PCNX2: variants seen among roughly 807,000 people sequenced by gnomAD.
The protein encoded by PCNX2 is pecanex 2.
PCNX2 carries 168 observed loss-of-function variants against 223.8 expected under a neutral mutation model. The ratio of observed to expected loss-of-function variants is 0.75; its 90% CI spans 0.66 to 0.85. The LOEUF (loss-of-function observed/expected upper bound fraction) is 0.85, where lower values mean the gene tolerates loss of function less well. PCNX2 is among the 40% of genes least tolerant of loss of function. The pLI is 0.00. For synonymous variants in PCNX2, 1,006 were observed against 1,052.6 expected, an observed-to-expected ratio of 0.96 and a Z score of 0.86; for missense variants, 2,507 against 2,675.5, an observed-to-expected ratio of 0.94 and a Z score of 1.39.
intron 26 of PCNX2, among the ~76,000 whole-genome samples, chr1:233,021,244 G>A (rs1378687989): frequency 1.3e-5 from 2 of 152,102 alleles, no homozygotes; most frequent in African/African-American, 4.8e-5. Flanking sequence ...TAAACACGGG[G>A]GCACCGTGTT....
chr1:233,204,031 G>A (rs1681300224), intron 13 of PCNX2, among the ~76,000 whole-genome samples: 1 of 152,144 alleles, frequency 6.6e-6, no homozygotes, highest in African/African-American at 2.4e-5. Context: ...GTTGAATTAT[G>A]TTCCCACAAA....
intron 17 of PCNX2, among the ~76,000 whole-genome samples, chr1:233,175,369 C>T (rs926513579): frequency 6.6e-6 from 1 of 152,196 alleles, no homozygotes; most frequent in Non-Finnish European, 1.5e-5. Context: ...GGAGGCAACA[C>T]CTAGCCCATC....
At chr1:233,194,593 C>A (rs1363904381) in intron 15 of PCNX2, among the ~76,000 whole-genome samples, 1 of 152,004 alleles carries the variant, frequency 6.6e-6, no homozygotes, top group African/African-American at 2.4e-5. Context: ...CCAAATATTA[C>A]TATATAAAAA....
intron 19 of PCNX2, among the ~76,000 whole-genome samples, chr1:233,148,426 T>A (rs1055626284): frequency 2.1e-4 from 30 of 145,854 alleles, no homozygotes. Flanking sequence ...ACTTTTTTTC[T>A]TTTCTTTTTT....
intron 17 of PCNX2, among the ~76,000 whole-genome samples, chr1:233,166,336 G>C (rs1156374777): frequency 6.6e-6 from 1 of 151,992 alleles, no homozygotes; most frequent in African/African-American, 2.4e-5. Flanking sequence ...TCCTGGATTT[G>C]GCAAAGATTT....
chr1:233,211,554 C>G (rs1187775387), intron 12 of PCNX2, among the ~76,000 whole-genome samples: 1 of 152,122 alleles, frequency 6.6e-6, no homozygotes, highest in African/African-American at 2.4e-5. Context: ...AGCGAACCCT[C>G]AGAATACCCT....
At chr1:233,065,960 G>A (rs981171370) in intron 23 of PCNX2, among the ~76,000 whole-genome samples, 4 of 152,180 alleles carry the variant, frequency 2.6e-5, no homozygotes, top group South Asian at 4.1e-4. Context: ...CCCAACTGCA[G>A]TGAGAACTTC....
At chr1:233,273,100 T>G (rs1282745420) in intron 1 of PCNX2, among the ~76,000 whole-genome samples, 3 of 150,732 alleles carry the variant, frequency 2.0e-5, no homozygotes, top group Admixed American at 2.0e-4. Flanking sequence ...ACTAAAGAAC[T>G]TACTTATGTA....
intron 19 of PCNX2, among the ~76,000 whole-genome samples, chr1:233,158,025 C>T (rs1422367246): frequency 2.6e-5 from 4 of 152,002 alleles, no homozygotes; most frequent in South Asian, 2.1e-4. Context: ...ACTCATCCTC[C>T]GAGAGGGGAA....
At chr1:233,046,618 C>G (rs1671830334) in intron 25 of PCNX2, among the ~76,000 whole-genome samples, 1 of 152,034 alleles carries the variant, frequency 6.6e-6, no homozygotes, top group Non-Finnish European at 1.5e-5. Context: ...CCAAAGTGAC[C>G]CTTATAGCCA....
At chr1:233,208,358 C>G (rs1465302744) in intron 13 of PCNX2, among the ~76,000 whole-genome samples, 160 bp downstream of exon 13, 3 of 152,174 alleles carry the variant, frequency 2.0e-5, no homozygotes, top group African/African-American at 7.2e-5. Context: ...TGCTTTGAGG[C>G]TTGGGCTCCC....
intron 25 of PCNX2, among the ~76,000 whole-genome samples, chr1:233,031,624 T>A (rs1488121835): frequency 2.0e-5 from 3 of 152,108 alleles, no homozygotes; most frequent in African/African-American, 7.2e-5. Flanking sequence ...TCAGAGCTAT[T>A]AGGATAACAG....
intron 8 of PCNX2, among the ~76,000 whole-genome samples, chr1:233,240,802 C>T (rs1399181650): frequency 1.3e-5 from 2 of 152,154 alleles, no homozygotes; most frequent in African/African-American, 2.4e-5. Flanking sequence ...TTGACCATGA[C>T]GATATTCCAC....
chr1:232,986,504 T>C lies in PCNX2; in HGVS notation c.5828A>G (p.His1943Arg). The stretch of plus-strand genomic sequence containing the variant: ...GGGCGGCCTTTGGCTTAGCGCTGAG[T>C]GTGCCTGCACGGACTGGCTCCTGCC... ...RKGRSQSVQAHSALSQRPPML... is the reference protein window; with the variant it reads ...RKGRSQSVQARSALSQRPPML... Residue 1943 changes from histidine to arginine, a missense_variant, in exon 33 of 34, where the codon CAC becomes CGC. By Grantham distance (29) the His-to-Arg change is conservative (BLOSUM62 0). Coordinates refer to ENST00000258229, the MANE Select transcript of PCNX2 (RefSeq NM_014801.4). The C allele has an allele frequency of 6.3e-7, 1 of 1,574,964 alleles. No homozygotes were observed. The highest frequency in any genetic ancestry group is 8.6e-7 in the Non-Finnish European group (1 of 1,158,260).
chr1:233,073,068 T>C (rs1467468197), intron 23 of PCNX2, among the ~76,000 whole-genome samples: 1 of 152,216 alleles, frequency 6.6e-6, no homozygotes, highest in African/African-American at 2.4e-5. Context: ...TTTATTATAC[T>C]TGTTATATAG....
At chr1:233,230,624 A>G (rs1658006398) in intron 9 of PCNX2, among the ~76,000 whole-genome samples, 1 of 152,178 alleles carries the variant, frequency 6.6e-6, no homozygotes, top group Non-Finnish European at 1.5e-5. Context: ...TGCAAGTTTA[A>G]TTCTATTATT....
At position 233,292,580 on chromosome 1, in the gene PCNX2, C is replaced by T. The variant is rs148784107; in HGVS notation, c.153+2746G>A. 2.0e-5 allele frequency among the ~76,000 whole-genome samples: 3 copies of T among 152,290 alleles called. No homozygotes were observed. In the East Asian group the frequency reaches 5.8e-4, roughly 29 times the overall value. ...AACAGAAAAGTTCACAGAACTTTGA[C>T]TAAGCCCCTGCTGTCAGTAAGCAGT... is the stretch of plus-strand genomic sequence containing the variant. On this transcript the variant is annotated intron_variant, in intron 1 of 33. Coordinates refer to ENST00000258229, the MANE Select transcript of PCNX2 (RefSeq NM_014801.4).
At chr1:233,201,236 G>A (rs1437049066) in intron 13 of PCNX2, among the ~76,000 whole-genome samples, 3 of 151,968 alleles carry the variant, frequency 2.0e-5, no homozygotes, top group Non-Finnish European at 4.4e-5. Context: ...AATAGGGGCT[G>A]TGGTTGGTGT....
intron 19 of PCNX2, among the ~76,000 whole-genome samples, chr1:233,154,835 G>A (rs916538826): frequency 2.6e-5 from 4 of 152,080 alleles, no homozygotes; most frequent in Non-Finnish European, 5.9e-5. Context: ...TTGGGAGGCC[G>A]AGGCAGGCAG....
Sources: allele counts gnomAD v4.1 joint callset (sites outside exome capture counted in the v4.1 genomes callset), GRCh38; gene constraint gnomAD v4.1.1; transcripts MANE v1.5; gene names NCBI Gene and HGNC (gene_info 2026-07-23, HGNC 2026-07-21).